TMEM212: variants seen among roughly 807,000 people sequenced by gnomAD.
TMEM212 encodes the protein transmembrane protein 212.
Under a neutral mutation model 20.5 loss-of-function variants are expected in TMEM212, and 23 were observed. The observed-to-expected ratio is 1.12, with a 90% CI of 0.81 to 1.59. The LOEUF (loss-of-function observed/expected upper bound fraction) is 1.59. TMEM212 is among the 40% of genes most tolerant of loss of function. The probability of loss-of-function intolerance (pLI) is 0.00; values close to 1 mark genes in which losing one functional copy is unlikely to be tolerated. For synonymous variants in TMEM212, 76 were observed against 81.6 expected (o/e 0.93, Z 0.37); for missense variants, 211 against 215.0 (o/e 0.98, Z 0.12).
chr3:171,852,038 C>A lies in TMEM212; in HGVS notation c.216C>A (p.Tyr72Ter), dbSNP rs761791931. The A allele has an allele frequency of 2.6e-6, 4 of 1,536,608 alleles. No individual in the cohort carries two copies. The highest frequency in any genetic ancestry group is 3.5e-6 in the Non-Finnish European group (4 of 1,146,422). The change falls in exon 2 of 5, where the codon TAC becomes TAA. Residue 72 changes from tyrosine to a stop codon, truncating the protein, a stop_gained. Transcript: ENST00000334567. LOFTEE classifies it high-confidence loss of function. ...LLAYREWTQRYLGEATFTFVI... is the reference protein window; with the variant it reads ...LLAYREWTQR ...CTTACAGAGAGTGGACCCAGAGGTA[C>A]CTGGTAAATATACCGATGCCAAGTA...
At chr3:171,854,038 C>G (rs1725055434) in intron 3 of TMEM212, among the ~76,000 whole-genome samples, 188 bp downstream of exon 3, 1 of 152,006 alleles carries the variant, frequency 6.6e-6, no homozygotes, top group Admixed American at 6.6e-5. Flanking sequence ...AATATGTTGA[C>G]ATTATAACTG....
At chr3:171,849,377 A>T (rs979866416) in intron 1 of TMEM212, among the ~76,000 whole-genome samples, 2 of 152,176 alleles carry the variant, frequency 1.3e-5, no homozygotes, top group African/African-American at 4.8e-5. Context: ...TTTACACCTG[A>T]ACTGTAAATT....
intron 1 of TMEM212, among the ~76,000 whole-genome samples, chr3:171,851,259 T>A (rs1030249299): frequency 1.3e-5 from 2 of 152,216 alleles, no homozygotes; most frequent in Non-Finnish European, 2.9e-5. Context: ...TGTTGCTGAA[T>A]CAAAGAGCCA....
rs746247982 is a variant in TMEM212, at chr3:171,856,702, T to A, written c.583T>A (p.Ter195LysextTer233). 1 of 686,182 alleles carries A rather than the reference T, an allele frequency of 1.5e-6. No individual in the cohort carries two copies. Among genetic ancestry groups the A allele is most frequent in the Non-Finnish European group, 2.7e-6 (1 of 375,460 alleles). 42.5% of individuals were successfully genotyped at this position (686,182 alleles called of 1,614,324 possible). Residue 195 changes from the stop codon to lysine, a stop_lost, in exon 4 of 5, where the codon TAA (stop) becomes AAA (lysine). Transcript: ENST00000334567. ...TGGGAACCCAAACCCTTTTTCACCA[T>A]AAAAGGTAAAATGGTCTGGGGATAG... ...PAGNPNPFSP* is the reference protein window; with the variant it reads ...PAGNPNPFSPK
At chr3:171,854,966 AT>A (rs1279400728) in intron 3 of TMEM212, among the ~76,000 whole-genome samples, 1 of 152,032 alleles carries the variant, frequency 6.6e-6, no homozygotes, top group Admixed American at 6.6e-5. Flanking sequence ...GTAAAAAGAA[AT>A]TTTTTTTAAA....
At chr3:171,850,641 T>G (rs985152355) in intron 1 of TMEM212, among the ~76,000 whole-genome samples, 3 of 152,216 alleles carry the variant, frequency 2.0e-5, no homozygotes, top group African/African-American at 7.2e-5. Flanking sequence ...CAGTTGCTCT[T>G]AATAATTCTT....
rs199605057 is a variant in TMEM212 at position 171,852,017 on chromosome 3, C to G, written c.195C>G (p.Tyr65Ter). ...CTGGTGTGCTTCTACTGTTGGCTTACAGAGAGTGGACCCAGAGGTACCTGG... is the reference window on the plus strand; with the variant it reads ...CTGGTGTGCTTCTACTGTTGGCTTAGAGAGAGTGGACCCAGAGGTACCTGG... ...ITTGVLLLLA[Y>*]REWTQRYLGE... Residue 65 changes from tyrosine to a stop codon, truncating the protein, a stop_gained, in exon 2 of 5, where the codon TAC becomes TAG. Transcript: ENST00000334567. LOFTEE classifies it high-confidence loss of function. 129 of 1,536,878 alleles carry G rather than the reference C, an allele frequency of 8.4e-5. No homozygotes were observed. The Middle Eastern group carries it at 1.5e-3, about 18-fold the overall frequency.
chr3:171,844,618 A>G (rs1225931585), intron 1 of TMEM212, among the ~76,000 whole-genome samples: 2 of 152,182 alleles, frequency 1.3e-5, no homozygotes, highest in East Asian at 1.9e-4. Flanking sequence ...AGGCAGGAGA[A>G]TCACATGAAC....
chr3:171,855,911 T>C (rs1352749096), intron 3 of TMEM212, among the ~76,000 whole-genome samples: 1 of 152,148 alleles, frequency 6.6e-6, no homozygotes, highest in Admixed American at 6.6e-5. Context: ...AACACAAAGA[T>C]GTTGATTTTG....
At chr3:171,853,465 G>A in intron 2 of TMEM212, 62 bp from the exon 3 acceptor site, 3 of 1,336,552 alleles carry the variant, frequency 2.2e-6, no homozygotes, top group Non-Finnish European at 3.0e-6. Flanking sequence ...TCTTCATATT[G>A]CTAAGAAGCC....
rs770416926 is a variant in TMEM212 at position 171,853,564 on chromosome 3, T to C, written c.257T>C (p.Met86Thr). 9 of 1,537,180 alleles carry C rather than the reference T, an allele frequency of 5.9e-6. No homozygotes were observed. The highest frequency in any genetic ancestry group is 7.8e-6 in the Non-Finnish European group (9 of 1,146,820). Residue 86 changes from methionine (M) to threonine (T), a missense_variant, in exon 3 of 5, where the codon ATG becomes ACG. Physicochemically the swap from Met to Thr is moderately conservative, Grantham distance 81. Coordinates refer to ENST00000334567, the MANE Select transcript of TMEM212 (RefSeq NM_001164436.2). ...TTCACCTTTGTGATTCTGAGCATTA[T>C]GGGATGTCCACTTCATTTTGCAATA... ...ATFTFVILSIMGCPLHFAIAL... is the reference protein window; with the variant it reads ...ATFTFVILSITGCPLHFAIAL...
At position 171,858,594 on chromosome 3, in the gene TMEM212, C is replaced by T. The variant is rs1725171436; in HGVS notation, c.*537C>T. 1 of 152,090 alleles carries T rather than the reference C, an allele frequency of 6.6e-6. No individual in the cohort carries two copies. The highest frequency in any genetic ancestry group is 1.5e-5 in the Non-Finnish European group (1 of 68,042). 9.4% of individuals were successfully genotyped at this position (152,090 alleles called of 1,614,324 possible). On this transcript the variant is annotated 3_prime_UTR_variant, in exon 5 of 5. Coordinates refer to ENST00000334567, the MANE Select transcript of TMEM212 (RefSeq NM_001164436.2). ...AATCGTATCTAATTAAACTAAAGGGCTTCTGCATGGCAAAAGAAACTATCA... is the reference window on the plus strand; with the variant it reads ...AATCGTATCTAATTAAACTAAAGGGTTTCTGCATGGCAAAAGAAACTATCA...
rs969312460 is a variant in TMEM212 at position 171,853,671 on chromosome 3, G to A, written c.364G>A (p.Val122Ile). The change falls in exon 3 of 5, where the codon GTT becomes ATT. Residue 122 changes from valine to isoleucine, a missense_variant. Val to Ile is a conservative substitution (Grantham distance 29, BLOSUM62 3). Coordinates refer to ENST00000334567, the MANE Select transcript of TMEM212 (RefSeq NM_001164436.2). ...IAGTNYLGYAVTFPYPYAKFP... is the reference protein window; with the variant it reads ...IAGTNYLGYAITFPYPYAKFP... ...AGGGACTAATTACCTTGGCTATGCA[G>A]TTACCTTTCCTTATCCATATGCAAA... is the stretch of plus-strand genomic sequence containing the variant. 9.8e-6 allele frequency: 15 copies of A among 1,537,446 alleles called. No individual in the cohort carries two copies. The highest frequency in any genetic ancestry group is 1.3e-5 in the Non-Finnish European group (15 of 1,146,932).
In TMEM212 at chr3:171,859,310, A is replaced by G. The variant is rs1175149472; in HGVS notation, c.*1253A>G. 3.3e-5 allele frequency: 5 copies of G among 152,150 alleles called. No individual in the cohort carries two copies. The highest frequency in any genetic ancestry group is 3.3e-4 in the Admixed American group (5 of 15,270). 9.4% of individuals were successfully genotyped at this position (152,150 alleles called of 1,614,324 possible). ...AACTTAGAGTATAATAAAAAAAAAG[A>G]AAACAGTGTGGAGGCTCCTCCAAAA... On this transcript the variant is annotated 3_prime_UTR_variant, in exon 5 of 5. Coordinates refer to ENST00000334567, the MANE Select transcript of TMEM212 (RefSeq NM_001164436.2).
chr3:171,855,208 C>A (rs36108149), intron 3 of TMEM212, among the ~76,000 whole-genome samples: 29,594 of 152,092 alleles, frequency 0.19, 2,982 homozygotes, highest in Middle Eastern at 0.34. Context: ...AGCTCTTTCT[C>A]TTTGAAAAGG....
intron 1 of TMEM212, among the ~76,000 whole-genome samples, chr3:171,850,733 C>G (rs1724958193): frequency 6.6e-6 from 1 of 152,176 alleles, no homozygotes; most frequent in Admixed American, 6.5e-5. Context: ...AAGCCAGGAA[C>G]CCCTTTTGAC....
At chr3:171,855,696 T>TA (rs1725098986) in intron 3 of TMEM212, among the ~76,000 whole-genome samples, 6 of 152,150 alleles carry the variant, frequency 3.9e-5, no homozygotes, top group Admixed American at 3.9e-4. Context: ...TGGACTGGTA[T>TA]AAGTTAGCTC....
Position 171,856,821 on chromosome 3 carries a change from C to T in TMEM212, c.*3+114C>T, listed in dbSNP as rs1391694645. On this transcript the variant is annotated intron_variant, in intron 4 of 4. Coordinates refer to ENST00000334567, the MANE Select transcript of TMEM212 (RefSeq NM_001164436.2). ...AAGCTTTATATAAGGTAGTTGAACT[C>T]CTTTACCTAAATGTCTTATTAAAAT... 3 of 425,558 alleles carry T rather than the reference C, an allele frequency of 7.0e-6. No homozygotes were observed. In the Admixed American group the frequency reaches 1.2e-4, roughly 17 times the overall value. The allele number at this position is 425,558 out of a possible 1,614,324, so 26.4% of individuals were successfully genotyped here.
In TMEM212 at chr3:171,853,744, T is replaced by C; in HGVS notation, c.437T>C (p.Leu146Pro). The change falls in exon 3 of 5, where the codon CTG (leucine) becomes CCG (proline). Residue 146 changes from leucine (L) to proline (P), a missense_variant. Transcript: ENST00000334567. ...VDPPHYEEYH[L>P]TLQALDLCLS... is the part of the protein sequence containing the mutation. Reference sequence around the variant, plus strand: ...CCACCACACTACGAAGAGTACCACCTGACACTTCAAGCCCTAGACCTGTGC... The same window carrying C: ...CCACCACACTACGAAGAGTACCACCCGACACTTCAAGCCCTAGACCTGTGC... The C allele has an allele frequency of 1.3e-6, 2 of 1,537,466 alleles. No homozygotes were observed. Among genetic ancestry groups the C allele is most frequent in the Non-Finnish European group, 8.7e-7 (1 of 1,146,918 alleles).
Sources: gnomAD v4.1 joint callset for allele counts (sites outside exome capture counted in the v4.1 genomes callset) on GRCh38, gnomAD v4.1.1 for gene constraint, MANE v1.5 for transcripts, NCBI Gene and HGNC (gene_info 2026-07-23, HGNC 2026-07-21) for gene names.